The following SLC4A4 variants were observed in gnomAD, a reference collection of about 807,000 sequenced individuals.
SLC4A4 encodes the protein electrogenic sodium bicarbonate cotransporter 1.
A neutral mutation model predicts 111.5 loss-of-function variants in SLC4A4; 27 were observed. The ratio of observed to expected loss-of-function variants is 0.24; its 90% CI spans 0.18 to 0.33. The LOEUF (loss-of-function observed/expected upper bound fraction) is 0.33, where lower values mean the gene tolerates loss of function less well. Ranked by LOEUF, SLC4A4 falls within the 10% of genes least tolerant of loss-of-function variation. The pLI is 1.00. For synonymous variants in SLC4A4, 443 were observed against 463.4 expected (o/e 0.96, Z 0.57); for missense variants, 909 against 1,315.5 (o/e 0.69, Z 4.78).
intron 3 of SLC4A4, chr4:71,300,430 C>G: frequency 4.3e-6 from 1 of 232,476 alleles, no homozygotes; most frequent in Non-Finnish European, 9.0e-6. Context: ...TTCATGACAG[C>G]GGACATGACA....
chr4:71,355,810 G>A lies in SLC4A4; in HGVS notation c.551-1198G>A, dbSNP rs185989539. 2.8e-3 allele frequency among the ~76,000 whole-genome samples: 429 copies of A among 152,340 alleles called. 2 individuals are homozygous for A. Among genetic ancestry groups the A allele is most frequent in the African/African-American group, 9.9e-3 (412 of 41,576 alleles). ...AAAGAAGTGGGAATCCTTGGGAGAT[G>A]CTGTTATCCTACCAGTACCCATCAA... On this transcript the variant is annotated intron_variant, in intron 5 of 25. Transcript: ENST00000264485.
intron 2 of SLC4A4, among the ~76,000 whole-genome samples, chr4:71,239,178 C>G (rs1720012927): frequency 6.6e-6 from 1 of 152,082 alleles, no homozygotes; most frequent in Non-Finnish European, 1.5e-5. Context: ...TTTACATTTT[C>G]TTTTATGAAA....
At chr4:71,196,055 T>C (rs1431145401) in intron 1 of SLC4A4, among the ~76,000 whole-genome samples, 1 of 152,248 alleles carries the variant, frequency 6.6e-6, no homozygotes, top group Admixed American at 6.5e-5. Context: ...TCTTGAGTGT[T>C]GATGGCTGCA....
chr4:71,530,349 A>G (rs911842316), intron 16 of SLC4A4, among the ~76,000 whole-genome samples: 1 of 152,140 alleles, frequency 6.6e-6, no homozygotes, highest in Non-Finnish European at 1.5e-5. Context: ...TAACAAACCA[A>G]TGAAGTTGTA....
intron 21 of SLC4A4, among the ~76,000 whole-genome samples, 170 bp from the exon 22 acceptor site, chr4:71,557,542 T>A (rs532232136): frequency 1.3e-5 from 2 of 152,122 alleles, no homozygotes; most frequent in South Asian, 4.1e-4. Flanking sequence ...TTTGAAGACT[T>A]GTGCTTTAGT....
intron 1 of SLC4A4, among the ~76,000 whole-genome samples, chr4:71,192,591 T>C (rs577110985): frequency 3.9e-5 from 6 of 152,288 alleles, no homozygotes; most frequent in Non-Finnish European, 8.8e-5. Flanking sequence ...TTGAGGACTA[T>C]TTAGATTTGG....
intron 2 of SLC4A4, among the ~76,000 whole-genome samples, chr4:71,159,912 C>A (rs1744574445): frequency 6.6e-6 from 1 of 151,948 alleles, no homozygotes; most frequent in Admixed American, 6.6e-5. Flanking sequence ...CTATAGTATT[C>A]TATAGTTTGA....
At chr4:71,304,199 T>C (rs1560393641) in intron 3 of SLC4A4, among the ~76,000 whole-genome samples, 1 of 152,166 alleles carries the variant, frequency 6.6e-6, no homozygotes, top group Non-Finnish European at 1.5e-5. Context: ...TGCGTATATA[T>C]ATTTATTATA....
chr4:71,085,780 A>G (rs1742149325), intron 1 of SLC4A4, among the ~76,000 whole-genome samples: 1 of 152,076 alleles, frequency 6.6e-6, no homozygotes, highest in Non-Finnish European at 1.5e-5. Flanking sequence ...TTTTGGTACC[A>G]ATACCATGCT....
chr4:71,496,373 A>G (rs1360917261), intron 15 of SLC4A4, among the ~76,000 whole-genome samples: 1 of 152,068 alleles, frequency 6.6e-6, no homozygotes, highest in African/African-American at 2.4e-5. Context: ...GAAGCAGTAT[A>G]AGACAGGGAA....
chr4:71,254,206 T>C (rs1429407808), intron 2 of SLC4A4, among the ~76,000 whole-genome samples: 1 of 152,192 alleles, frequency 6.6e-6, no homozygotes, highest in Non-Finnish European at 1.5e-5. Context: ...ACAAAAATGT[T>C]CACATTATTT....
chr4:71,563,281 G>T (rs1737155757), intron 23 of SLC4A4, among the ~76,000 whole-genome samples: 1 of 151,780 alleles, frequency 6.6e-6, no homozygotes, highest in Non-Finnish European at 1.5e-5. Flanking sequence ...AGTAAGAGAG[G>T]AAAGTTTATT....
chr4:71,277,149 A>T (rs1723130235), intron 3 of SLC4A4, among the ~76,000 whole-genome samples: 2 of 152,214 alleles, frequency 1.3e-5, no homozygotes, highest in South Asian at 4.1e-4. Flanking sequence ...TTTCTCTGGG[A>T]TAAGTGCCCA....
intron 7 of SLC4A4, chr4:71,434,739 A>G (rs1184777458): frequency 6.6e-6 from 1 of 152,164 alleles, no homozygotes; most frequent in East Asian, 1.9e-4. Flanking sequence ...ATACAAAATC[A>G]ATGTGCAAAA....
intron 2 of SLC4A4, among the ~76,000 whole-genome samples, chr4:71,172,488 T>G (rs1744973127): frequency 6.6e-6 from 1 of 152,098 alleles, no homozygotes; most frequent in Non-Finnish European, 1.5e-5. Context: ...TCTCTTGACC[T>G]TGTGATCTGC....
intron 8 of SLC4A4, among the ~76,000 whole-genome samples, chr4:71,447,105 T>C (rs1182722947): frequency 3.3e-5 from 5 of 152,250 alleles, no homozygotes; most frequent in Non-Finnish European, 5.9e-5. Flanking sequence ...TCTCTTCCCT[T>C]ACTTTGGCTG....
At chr4:71,368,573 G>A (rs942796045) in intron 6 of SLC4A4, among the ~76,000 whole-genome samples, 5 of 152,166 alleles carry the variant, frequency 3.3e-5, no homozygotes, top group African/African-American at 1.2e-4. Context: ...CCTATCTATT[G>A]AGTAGGTCAT....
intron 15 of SLC4A4, among the ~76,000 whole-genome samples, chr4:71,489,781 G>A (rs1729739598): frequency 6.6e-6 from 1 of 151,670 alleles, no homozygotes; most frequent in Admixed American, 6.6e-5. Context: ...GATTGTGAGA[G>A]AAGGTACAGG....
At chr4:71,181,783 A>G (rs551116663) in intron 2 of SLC4A4, among the ~76,000 whole-genome samples, 1 of 152,166 alleles carries the variant, frequency 6.6e-6, no homozygotes, top group Non-Finnish European at 1.5e-5. Context: ...GAACATTCCT[A>G]TCTCAGAAAG....
Sources: allele counts gnomAD v4.1 joint callset (sites outside exome capture counted in the v4.1 genomes callset), GRCh38; gene constraint gnomAD v4.1.1; transcripts MANE v1.5; gene names NCBI Gene and HGNC (gene_info 2026-07-23, HGNC 2026-07-21).